The following KDM4C variants were observed in gnomAD, a reference collection of about 807,000 sequenced individuals.
KDM4C encodes the protein lysine-specific demethylase 4C.
A neutral mutation model predicts 129.3 loss-of-function variants in KDM4C; 81 were observed. That is an observed-to-expected ratio of 0.63 (90% CI 0.52 to 0.75). The LOEUF (loss-of-function observed/expected upper bound fraction) is 0.75, where lower values mean the gene tolerates loss of function less well. Ranked by LOEUF, KDM4C falls within the 30% of genes least tolerant of loss-of-function variation. The pLI is 0.00. For missense variants in KDM4C, 1,457 were observed against 1,304.0 expected (o/e 1.12, Z -1.81); for synonymous variants, 573 against 456.1 (o/e 1.26, Z -3.26).
At chr9:6,991,678 A>G (rs1319705992) in intron 12 of KDM4C, among the ~76,000 whole-genome samples, 8 of 146,656 alleles carry the variant, frequency 5.5e-5, no homozygotes, top group Admixed American at 2.7e-4. Context: ...GAGTAGGTAG[A>G]TATCTTTCAC....
At chr9:6,868,118 C>G (rs1160499430) in intron 5 of KDM4C, among the ~76,000 whole-genome samples, 2 of 151,940 alleles carry the variant, frequency 1.3e-5, no homozygotes, top group Non-Finnish European at 2.9e-5. Context: ...GCACCAAACC[C>G]TCCCTGGAGG....
At chr9:6,952,503 C>T (rs774029591) in intron 8 of KDM4C, among the ~76,000 whole-genome samples, 15 of 151,514 alleles carry the variant, frequency 9.9e-5, no homozygotes, top group African/African-American at 2.4e-4. Flanking sequence ...TGCAGTGGCA[C>T]GATCTCGGCT....
At chr9:6,977,174 A>G (rs1246764931) in intron 8 of KDM4C, among the ~76,000 whole-genome samples, 1 of 152,178 alleles carries the variant, frequency 6.6e-6, no homozygotes, top group Non-Finnish European at 1.5e-5. Context: ...AATCTTCAAA[A>G]TAAGAGTTTG....
chr9:6,960,648 AG>A, intron 8 of KDM4C, among the ~76,000 whole-genome samples: 1 of 152,328 alleles, frequency 6.6e-6, no homozygotes, highest in South Asian at 2.1e-4. Flanking sequence ...GATGGTTTAA[AG>A]ATGATTTCAC....
At chr9:6,898,347 T>A (rs1360991831) in intron 8 of KDM4C, among the ~76,000 whole-genome samples, 2 of 152,124 alleles carry the variant, frequency 1.3e-5, no homozygotes, top group Non-Finnish European at 2.9e-5. Context: ...CATATCTCGT[T>A]TATACCGTCT....
chr9:6,974,316 A>G (rs1448703187), intron 8 of KDM4C, among the ~76,000 whole-genome samples: 2 of 152,196 alleles, frequency 1.3e-5, no homozygotes, highest in Admixed American at 6.5e-5. Flanking sequence ...AGGATTATAT[A>G]TAACGTTATA....
chr9:6,888,827 G>A lies in KDM4C; in HGVS notation c.783+764G>A, dbSNP rs958807825. ...TTTTGAGACGGAGTCTCGCTCTGTC[G>A]CCCAGGCTGGAGTGCAGTGGCGGGA... On this transcript the variant is annotated intron_variant, in intron 7 of 21. Coordinates refer to ENST00000381309, the MANE Select transcript of KDM4C (RefSeq NM_015061.6). Among the ~76,000 whole-genome samples, 2 of 24,838 alleles carry A rather than the reference G, an allele frequency of 8.1e-5. 1 individual carries two copies. Among genetic ancestry groups the A allele is most frequent in the Non-Finnish European group, 1.4e-4 (2 of 14,380 alleles). 16.3% of individuals were successfully genotyped at this position (24,838 alleles called of 152,430 possible). A position where few individuals can be genotyped will look rare whatever the true frequency, so the allele number is the denominator to read the frequency against.
intron 4 of KDM4C, among the ~76,000 whole-genome samples, chr9:6,828,273 G>A (rs532090668): frequency 3.5e-4 from 53 of 151,942 alleles, no homozygotes; most frequent in Non-Finnish European, 6.2e-4. Context: ...TCAGCCTCCC[G>A]AATAGCTGGG....
At chr9:6,933,593 C>G (rs1824160195) in intron 8 of KDM4C, among the ~76,000 whole-genome samples, 2 of 152,180 alleles carry the variant, frequency 1.3e-5, no homozygotes. Context: ...TAATAATTAA[C>G]TTTAAAAGGA....
intron 17 of KDM4C, among the ~76,000 whole-genome samples, chr9:7,097,651 C>G (rs1407867): frequency 0.55 from 84,116 of 152,022 alleles, 23,597 homozygotes; most frequent in Middle Eastern, 0.73. Flanking sequence ...GTAACCAGGT[C>G]AGGCTCACAT....
At chr9:7,014,098 A>C in intron 14 of KDM4C, 97 bp downstream of exon 14, 1 of 884,184 alleles carries the variant, frequency 1.1e-6, no homozygotes, top group Non-Finnish European at 1.8e-6. Context: ...TGTTGCATGG[A>C]CTATTGGCAT....
At chr9:7,152,875 A>G (rs1842844208) in intron 19 of KDM4C, among the ~76,000 whole-genome samples, 1 of 152,318 alleles carries the variant, frequency 6.6e-6, no homozygotes, top group African/African-American at 2.4e-5. Context: ...CAGGGGAAAG[A>G]TTGTGCATGT....
chr9:6,812,560 A>G (rs1831353026), intron 3 of KDM4C, among the ~76,000 whole-genome samples: 1 of 152,174 alleles, frequency 6.6e-6, no homozygotes, highest in Non-Finnish European at 1.5e-5. Context: ...GACCCCTCAC[A>G]TGCACAGTTC....
chr9:7,109,407 GAATTTT>G lies in KDM4C; in HGVS notation c.2610+5538_2610+5543del, dbSNP rs1224060218. The stretch of plus-strand genomic sequence containing the variant: ...AACAATATCTCTCTCCAACTTTCTA[GAATTTT>G]TAGAAAGCCTGTTTCCTCCAGAGCC... On this transcript the variant is annotated intron_variant, in intron 18 of 21. Transcript: ENST00000381309. Among the ~76,000 whole-genome samples the G allele has an allele frequency of 4.0e-4, 61 of 152,278 alleles. 1 individual carries two copies. The highest frequency in any genetic ancestry group is 7.5e-4 in the Non-Finnish European group (51 of 68,010).
chr9:7,147,144 T>C (rs1842290612), intron 19 of KDM4C, among the ~76,000 whole-genome samples: 1 of 152,220 alleles, frequency 6.6e-6, no homozygotes, highest in South Asian at 2.1e-4. Context: ...TAAGGTTTAT[T>C]AATGAGAAAA....
intron 8 of KDM4C, chr9:6,941,555 C>CT (rs2131398234): frequency 6.6e-6 from 1 of 152,268 alleles, no homozygotes; most frequent in East Asian, 1.9e-4. Flanking sequence ...GGCCAATGAT[C>CT]TAATTTTGCT....
At chr9:6,763,529 AC>A (rs1221648561) in intron 1 of KDM4C, among the ~76,000 whole-genome samples, 1 of 152,172 alleles carries the variant, frequency 6.6e-6, no homozygotes, top group Non-Finnish European at 1.5e-5. Flanking sequence ...AAAGGTTCCC[AC>A]AAAAATATTG....
chr9:6,832,859 C>G (rs1489845916), intron 4 of KDM4C, among the ~76,000 whole-genome samples: 2 of 151,018 alleles, frequency 1.3e-5, no homozygotes, highest in Non-Finnish European at 2.9e-5. Context: ...TCTGTAGTAG[C>G]TGGGATTATA....
intron 18 of KDM4C, among the ~76,000 whole-genome samples, chr9:7,112,810 A>T (rs576243870): frequency 6.6e-6 from 1 of 152,268 alleles, no homozygotes; most frequent in South Asian, 2.1e-4. Context: ...GCTAACACTT[A>T]TCTCACAGTG....
Sources: allele counts gnomAD v4.1 joint callset (sites outside exome capture counted in the v4.1 genomes callset), GRCh38; gene constraint gnomAD v4.1.1; transcripts MANE v1.5; gene names NCBI Gene and HGNC (gene_info 2026-07-23, HGNC 2026-07-21).